The following SYN2 variants were observed in gnomAD, a reference collection of about 807,000 sequenced individuals.
The protein encoded by SYN2 is synapsin II.
In SYN2, 19 loss-of-function variants were observed where a neutral mutation model predicts 50.9. The observed-to-expected ratio is 0.37, with a 90% confidence interval of 0.26 to 0.55. The LOEUF (loss-of-function observed/expected upper bound fraction) is 0.55. Among genes scored for constraint, SYN2 ranks in the 20% least tolerant of loss-of-function variants. The pLI is 0.81. For missense variants in SYN2, 587 were observed against 576.4 expected, an observed-to-expected ratio of 1.02 and a Z score of -0.19; for synonymous variants, 255 against 224.9, an observed-to-expected ratio of 1.13 and a Z score of -1.20.
chr3:12,154,549 A>C, intron 5 of SYN2: 1 of 1,438,432 alleles, frequency 7.0e-7, no homozygotes, highest in East Asian at 2.3e-5. Context: ...AGCCTCCCCA[A>C]TGACTTTGGT....
At chr3:12,169,639 C>T in intron 9 of SYN2, 118 bp from the exon 10 acceptor site, 2 of 1,114,944 alleles carry the variant, frequency 1.8e-6, no homozygotes, top group Non-Finnish European at 2.5e-6. Context: ...AAGAGAAGAA[C>T]TCCTGCTTCA....
At chr3:12,078,517 C>T (rs544061107) in intron 1 of SYN2, among the ~76,000 whole-genome samples, 3 of 152,274 alleles carry the variant, frequency 2.0e-5, no homozygotes, top group African/African-American at 7.2e-5. Flanking sequence ...CAATTTTCTG[C>T]ATATGGCTAG....
intron 1 of SYN2, among the ~76,000 whole-genome samples, chr3:12,124,699 T>C (rs143752095): frequency 6.6e-6 from 1 of 152,242 alleles, no homozygotes; most frequent in East Asian, 1.9e-4. Flanking sequence ...CAGATAGATA[T>C]AAAATAGCAT....
At chr3:12,018,296 AG>A (rs1226094374) in intron 1 of SYN2, among the ~76,000 whole-genome samples, 3 of 152,220 alleles carry the variant, frequency 2.0e-5, no homozygotes, top group African/African-American at 7.2e-5. Flanking sequence ...ATATAGTAAC[AG>A]TAATGGGAAA....
At chr3:12,181,066 G>A (rs1447448937) in intron 10 of SYN2, among the ~76,000 whole-genome samples, 4 of 152,160 alleles carry the variant, frequency 2.6e-5, no homozygotes, top group Admixed American at 1.3e-4. Flanking sequence ...GAACACATAC[G>A]TCTACCTCCC....
At chr3:12,161,341 C>T (rs1257844983) in intron 5 of SYN2, among the ~76,000 whole-genome samples, 1 of 152,124 alleles carries the variant, frequency 6.6e-6, no homozygotes, top group Non-Finnish European at 1.5e-5. Context: ...GTACAGGGTT[C>T]TTGTAGCACT....
rs181292502 is a variant in SYN2, at chr3:12,026,209, G to T, written c.377+21281G>T. Among the ~76,000 whole-genome samples the T allele has an allele frequency of 3.3e-5, 5 of 152,204 alleles. No individual in the cohort carries two copies. In the East Asian group the frequency reaches 9.7e-4, roughly 29 times the overall value. On this transcript the variant is annotated intron_variant, in intron 1 of 12. Coordinates refer to ENST00000621198, the MANE Select transcript of SYN2 (RefSeq NM_133625.6). ...TCTGGATATTATTACAACCAGTGTA[G>T]CTCTGGTTTCATTTATTGAATATGC...
chr3:12,178,208 C>A (rs752005172), intron 10 of SYN2, among the ~76,000 whole-genome samples: 1 of 152,200 alleles, frequency 6.6e-6, no homozygotes, highest in Non-Finnish European at 1.5e-5. Context: ...CTTGGCCTGG[C>A]CTCTTTCCTG....
At chr3:12,129,684 G>T (rs1371713313) in intron 1 of SYN2, among the ~76,000 whole-genome samples, 2 of 152,140 alleles carry the variant, frequency 1.3e-5, no homozygotes. Context: ...GTATTTTTGT[G>T]TGATATTGTT....
chr3:12,034,357 A>G (rs145959362), intron 1 of SYN2, among the ~76,000 whole-genome samples: 104 of 152,292 alleles, frequency 6.8e-4, no homozygotes, highest in African/African-American at 2.5e-3. Context: ...TGTCTATGCA[A>G]TTCCTTTTCC....
chr3:12,156,841 G>C, intron 5 of SYN2: 1 of 1,614,050 alleles, frequency 6.2e-7, no homozygotes, highest in Non-Finnish European at 8.5e-7. Flanking sequence ...TACTGCTTCT[G>C]GCTGTTGGCT....
intron 1 of SYN2, among the ~76,000 whole-genome samples, chr3:12,013,273 T>TGTTCTCTTC (rs1213077800): frequency 3.3e-5 from 5 of 152,330 alleles, no homozygotes; most frequent in African/African-American, 1.2e-4. Flanking sequence ...CCAGCCTCTT[T>TGTTCTCTTC]GTTCTCTTCA....
intron 5 of SYN2, chr3:12,158,581 A>C: frequency 2.6e-5 from 38 of 1,447,732 alleles, no homozygotes; most frequent in Non-Finnish European, 3.5e-5. Flanking sequence ...AGCCTCAGCA[A>C]GAGACAACCG....
intron 1 of SYN2, among the ~76,000 whole-genome samples, chr3:12,085,541 CAG>C (rs933217925): frequency 1.3e-5 from 2 of 152,022 alleles, no homozygotes; most frequent in East Asian, 1.9e-4. Context: ...AGTAAGGAAA[CAG>C]AAGTCATATT....
chr3:12,154,508 G>C (rs556465752), intron 5 of SYN2: 7 of 1,600,214 alleles, frequency 4.4e-6, no homozygotes, highest in Middle Eastern at 1.8e-4. Context: ...GGAGCCCCAG[G>C]GGCCCAGGTC....
At chr3:12,135,146 TAG>T (rs1574959237) in intron 1 of SYN2, among the ~76,000 whole-genome samples, 2 of 152,154 alleles carry the variant, frequency 1.3e-5, no homozygotes, top group Non-Finnish European at 2.9e-5. Flanking sequence ...CCTGTGCCAG[TAG>T]AGTCTGTGGC....
At chr3:12,163,551 C>G (rs749828055) in intron 7 of SYN2, among the ~76,000 whole-genome samples, 1 of 152,148 alleles carries the variant, frequency 6.6e-6, no homozygotes, top group Non-Finnish European at 1.5e-5. Flanking sequence ...CCTCCAGACT[C>G]TGAGTTCCTT....
chr3:12,064,226 A>G (rs547941047), intron 1 of SYN2, among the ~76,000 whole-genome samples: 14 of 152,164 alleles, frequency 9.2e-5, no homozygotes, highest in Admixed American at 8.5e-4. Context: ...AAAACTGTCA[A>G]AATTATCAAA....
intron 1 of SYN2, among the ~76,000 whole-genome samples, chr3:12,033,098 C>A (rs1694414622): frequency 6.6e-6 from 1 of 151,276 alleles, no homozygotes; most frequent in South Asian, 2.1e-4. Context: ...TTCCTTCTAA[C>A]AGACAGGACC....
Sources: gnomAD v4.1 joint callset for allele counts (sites outside exome capture counted in the v4.1 genomes callset) on GRCh38, gnomAD v4.1.1 for gene constraint, MANE v1.5 for transcripts, NCBI Gene and HGNC (gene_info 2026-07-23, HGNC 2026-07-21) for gene names.